Variants in TUSC3 observed in about 807,000 individuals in gnomAD.
TUSC3 encodes dolichyl-diphosphooligosaccharide--protein glycosyltransferase subunit TUSC3.
TUSC3 carries 45 observed loss-of-function variants against 44.8 expected under a neutral mutation model. The ratio of observed to expected loss-of-function variants is 1.00; its 90% CI spans 0.79 to 1.29. The LOEUF (loss-of-function observed/expected upper bound fraction) is 1.29, where lower values mean the gene tolerates loss of function less well. TUSC3 is among the 50% of genes most tolerant of loss of function. The probability of loss-of-function intolerance (pLI) is 0.00; values close to 1 mark genes in which losing one functional copy is unlikely to be tolerated. For missense variants in TUSC3, 519 were observed against 437.9 expected (o/e 1.19, Z -1.65); for synonymous variants, 212 against 152.9 (o/e 1.39, Z -2.85).
intron 1 of TUSC3, among the ~76,000 whole-genome samples, chr8:15,482,313 C>T (rs752050411): frequency 1.1e-4 from 16 of 152,170 alleles, no homozygotes; most frequent in Non-Finnish European, 1.5e-4. Context: ...TTTCAAACTC[C>T]TGTTAATACT....
chr8:15,504,608 TATATATATATATA>T (rs1209631508), intron 2 of TUSC3, among the ~76,000 whole-genome samples: 952 of 33,304 alleles, frequency 0.029, 9 homozygotes, highest in Non-Finnish European at 0.035. Context: ...TATATATATA[TATATATATATATA>T]TTTTTTTTTT....
chr8:15,469,096 C>T (rs1800451634), intron 1 of TUSC3, among the ~76,000 whole-genome samples: 1 of 152,174 alleles, frequency 6.6e-6, no homozygotes, highest in South Asian at 2.1e-4. Flanking sequence ...AGATAATGAG[C>T]TTCTCAAGCG....
At chr8:15,824,939 T>C in the TUSC3 span, among the ~76,000 whole-genome samples, 6 of 152,192 alleles carry the variant, frequency 3.9e-5, no homozygotes, top group African/African-American at 9.7e-5. Context: ...CCTCCCTTCA[T>C]TGACCATAAG....
chr8:15,459,028 C>T (rs1465090750), intron 1 of TUSC3, among the ~76,000 whole-genome samples: 1 of 152,170 alleles, frequency 6.6e-6, no homozygotes, highest in African/African-American at 2.4e-5. Context: ...AGTTAACCCC[C>T]TTTTATGATC....
At chr8:15,584,343 G>T (rs920505839) in intron 1 of TUSC3, among the ~76,000 whole-genome samples, 1 of 152,110 alleles carries the variant, frequency 6.6e-6, no homozygotes, top group Non-Finnish European at 1.5e-5. Flanking sequence ...TTATAAAAGC[G>T]AGAAAAGATT....
intron 2 of TUSC3, among the ~76,000 whole-genome samples, chr8:15,510,394 G>C (rs1395481243): frequency 2.6e-5 from 4 of 152,080 alleles, no homozygotes; most frequent in African/African-American, 9.7e-5. Flanking sequence ...ACCAATATCA[G>C]ACATGAGAGC....
intron 2 of TUSC3, among the ~76,000 whole-genome samples, chr8:15,624,579 A>G (rs1805404764): frequency 6.6e-6 from 1 of 152,132 alleles, no homozygotes; most frequent in African/African-American, 2.4e-5. Context: ...ACATCTTTTC[A>G]TGTGCTTATT....
At chr8:15,487,574 A>G (rs535357070) in intron 2 of TUSC3, among the ~76,000 whole-genome samples, 1 of 152,344 alleles carries the variant, frequency 6.6e-6, no homozygotes, top group South Asian at 2.1e-4. Context: ...CTAAACATTT[A>G]GAGAAAATAT....
chr8:15,792,598 C>T, the TUSC3 span, among the ~76,000 whole-genome samples: 1 of 152,000 alleles, frequency 6.6e-6, no homozygotes, highest in Non-Finnish European at 1.5e-5. Context: ...CCTACTATTT[C>T]TTTTTTTCTT....
At chr8:15,838,269 T>C in the TUSC3 span, among the ~76,000 whole-genome samples, 4 of 152,330 alleles carry the variant, frequency 2.6e-5, no homozygotes, top group South Asian at 4.1e-4. Context: ...TATGGGGATA[T>C]TCACCCAATG....
In TUSC3 at chr8:15,650,812, C is replaced by T. The variant is rs1806867503; in HGVS notation, c.424C>T (p.Gln142Ter). Residue 142 changes from glutamine (Q) to a stop codon, truncating the protein, a stop_gained and splice_region_variant, in exon 3 of 11, where the codon CAG (glutamine) becomes TAG (stop). Coordinates refer to ENST00000503731, the MANE Select transcript of TUSC3 (RefSeq NM_006765.4). LOFTEE classifies it high-confidence loss of function. ...DYDEGTDVFQ[Q>*]LNMNSAPTFM... Reference sequence around the variant, plus strand: ...TGATGAGGGGACAGACGTTTTTCAGCAGGTAAAGAGTTATATCGTATTCAT... The same window carrying T: ...TGATGAGGGGACAGACGTTTTTCAGTAGGTAAAGAGTTATATCGTATTCAT... 6.2e-7 allele frequency: 1 copy of T among 1,612,520 alleles called. No individual in the cohort carries two copies. The highest frequency in any genetic ancestry group is 8.5e-7 in the Non-Finnish European group (1 of 1,178,606).
chr8:15,454,122 C>T (rs534902980), intron 1 of TUSC3, among the ~76,000 whole-genome samples: 17 of 152,122 alleles, frequency 1.1e-4, no homozygotes, highest in Non-Finnish European at 2.5e-4. Context: ...GTGGACAGCC[C>T]ACCCCAAGGG....
At chr8:15,743,337 A>G (rs545340387) in intron 7 of TUSC3, 4 of 581,722 alleles carry the variant, frequency 6.9e-6, no homozygotes, top group South Asian at 6.1e-5. Context: ...CACAAATTGA[A>G]GTTTCAGGTT....
intron 1 of TUSC3, among the ~76,000 whole-genome samples, chr8:15,576,998 GC>G (rs1803142405): frequency 7.4e-6 from 1 of 135,174 alleles, no homozygotes; most frequent in African/African-American, 2.7e-5. Flanking sequence ...TTTAATGATT[GC>G]CATTCTAACT....
At chr8:15,533,358 A>T (rs1192830913) in intron 2 of TUSC3, among the ~76,000 whole-genome samples, 1 of 152,180 alleles carries the variant, frequency 6.6e-6, no homozygotes, top group Non-Finnish European at 1.5e-5. Context: ...TTTTTACATA[A>T]CCTAAATATA....
chr8:15,786,283 A>G, the TUSC3 span, among the ~76,000 whole-genome samples: 1 of 152,194 alleles, frequency 6.6e-6, no homozygotes, highest in Non-Finnish European at 1.5e-5. Flanking sequence ...TATCTCAATG[A>G]AGTAGTAAGT....
At chr8:15,807,011 G>A in the TUSC3 span, 6 of 1,447,212 alleles carry the variant, frequency 4.1e-6, no homozygotes, top group South Asian at 2.3e-5. Context: ...TCCAAAGAAG[G>A]TGCTCCTGCA....
chr8:15,566,060 T>C (rs919363322), intron 1 of TUSC3, among the ~76,000 whole-genome samples: 8 of 152,184 alleles, frequency 5.3e-5, no homozygotes, highest in African/African-American at 1.9e-4. Context: ...TTTCCTTGTT[T>C]TTTCTGTCCA....
At chr8:15,443,975 A>G (rs538876801) in intron 1 of TUSC3, among the ~76,000 whole-genome samples, 39 of 152,168 alleles carry the variant, frequency 2.6e-4, no homozygotes, top group African/African-American at 9.2e-4. Context: ...CACCCCACCA[A>G]GCTGTCCTTA....
Sources: gnomAD v4.1 joint callset for allele counts (sites outside exome capture counted in the v4.1 genomes callset) on GRCh38, gnomAD v4.1.1 for gene constraint, MANE v1.5 for transcripts, NCBI Gene and HGNC (gene_info 2026-07-23, HGNC 2026-07-21) for gene names.